Variants in ZBTB4 observed in about 807,000 individuals in gnomAD.
The protein encoded by ZBTB4 is zinc finger and BTB domain-containing protein 4.
Under a neutral mutation model 59.8 loss-of-function variants are expected in ZBTB4, and 14 were observed. That is an observed-to-expected ratio of 0.23 (90% CI 0.15 to 0.37). ZBTB4 has a LOEUF of 0.37. Among genes scored for constraint, ZBTB4 ranks in the 10% least tolerant of loss-of-function variants. The pLI is 1.00. For synonymous variants in ZBTB4, 587 were observed against 575.2 expected, an observed-to-expected ratio of 1.02 and a Z score of -0.29; for missense variants, 1,198 against 1,380.8, an observed-to-expected ratio of 0.87 and a Z score of 2.10.
rs144153574 is a variant in ZBTB4, at chr17:7,477,473, G to A, written c.-81+1983C>T. Among the ~76,000 whole-genome samples the A allele has an allele frequency of 6.8e-4, 103 of 152,230 alleles. 1 individual carries two copies. The highest frequency in any genetic ancestry group is 8.2e-4 in the Non-Finnish European group (56 of 68,006). ...CCACCCCTTCCCAGCCCCCCATGCCGGAGGGCCTGTCCGCAGCACCCTCCC... is the reference window on the plus strand; with the variant it reads ...CCACCCCTTCCCAGCCCCCCATGCCAGAGGGCCTGTCCGCAGCACCCTCCC... On this transcript the variant is annotated intron_variant, in intron 1 of 3. Coordinates refer to ENST00000380599, the MANE Select transcript of ZBTB4 (RefSeq NM_001128833.2).
upstream of ZBTB4, chr17:7,479,772 C>A: frequency 6.6e-6 from 1 of 152,528 alleles, no homozygotes; most frequent in South Asian, 1.8e-4. Flanking sequence ...ACGGCCTTCC[C>A]CAGGACTGAC....
chr17:7,473,110 ATTTTTTTT>A (rs71157291), intron 1 of ZBTB4, among the ~76,000 whole-genome samples: 1 of 64,892 alleles, frequency 1.5e-5, no homozygotes, highest in Admixed American at 2.0e-4. Context: ...GCGCGCCACC[ATTTTTTTT>A]TTTTTTTTTT....
Position 7,463,030 on chromosome 17 carries a change from T to A in ZBTB4, c.1952A>T (p.Asp651Val). The stretch of plus-strand genomic sequence containing the variant: ...CCCACCAGCCTTTGATTCCTCCTCA[T>A]CCTCCTCCTCCTCCTCTTCGTCCTC... ...EEEDEEEEEEDEEESKAGGED... is the reference protein window; with the variant it reads ...EEEDEEEEEEVEEESKAGGED... The change falls in exon 4 of 4, where the codon GAT becomes GTT. Residue 651 changes from aspartate (D) to valine (V), a missense_variant. Transcript: ENST00000380599. The A allele has an allele frequency of 6.3e-7, 1 of 1,591,834 alleles. No homozygotes were observed. The highest frequency in any genetic ancestry group is 8.6e-7 in the Non-Finnish European group (1 of 1,167,130).
chr17:7,466,268 C>T lies in ZBTB4; in HGVS notation c.534G>A (p.Leu178=), dbSNP rs776260128. 6.8e-5 allele frequency: 109 copies of T among 1,613,204 alleles called. No individual in the cohort carries two copies. Among genetic ancestry groups the T allele is most frequent in the Non-Finnish European group, 8.4e-5 (99 of 1,179,554 alleles). The change falls in exon 3 of 4, where the codon CTG becomes CTA. Residue 178 remains leucine (L), a synonymous_variant. Transcript: ENST00000380599. This position sits in a 1 kb window ranked among gnomAD's most constrained non-coding sequence, Gnocchi z 9.1. The part of the protein sequence containing the change: ...RRLGISRLQG[L]GEGGDAWVPP... ...GTACCCAGGCATCACCTCCCTCCCC[C>T]AGGCCCTGAAGGCGGGAGATGCCCA...
chr17:7,483,202 G>A, upstream of ZBTB4: 1 of 1,015,836 alleles, frequency 9.8e-7, no homozygotes, highest in Non-Finnish European at 1.4e-6. Context: ...GGGATGTGGA[G>A]ACCAGGCTGG....
chr17:7,470,657 T>C (rs757793477), intron 1 of ZBTB4, among the ~76,000 whole-genome samples: 6 of 152,060 alleles, frequency 3.9e-5, no homozygotes, highest in Non-Finnish European at 7.4e-5. Context: ...GATTGCACCA[T>C]TGCACTCCAG....
chr17:7,462,232 A>T lies in ZBTB4; in HGVS notation c.2750T>A (p.Phe917Tyr). The T allele has an allele frequency of 6.2e-7, 1 of 1,613,768 alleles. No homozygotes were observed. Among genetic ancestry groups the T allele is most frequent in the Non-Finnish European group, 8.5e-7 (1 of 1,179,854 alleles). Residue 917 changes from phenylalanine (F) to tyrosine (Y), a missense_variant, in exon 4 of 4, where the codon TTC becomes TAC. Around this residue, in one of 9 missense-constraint regions of ZBTB4, gnomAD observed 211 missense variants for 236.1 expected, o/e 0.89. Transcript: ENST00000380599. This position sits in a 1 kb window ranked among gnomAD's most constrained non-coding sequence, Gnocchi z 7.5. ...MEGIGAAKVT[F>Y]YPEPYPLVYG... is the part of the protein sequence containing the mutation. ...GACGAGCGGGTAGGGCTCAGGGTAG[A>T]AAGTGACTTTGGCAGCCCCTATCCC...
upstream of ZBTB4, chr17:7,481,567 G>A (rs1225048669): frequency 6.4e-6 from 9 of 1,401,714 alleles, no homozygotes; most frequent in Non-Finnish European, 8.6e-6. Context: ...ATAGCTCCTG[G>A]TTGCTCCATT....
Position 7,466,884 on chromosome 17 carries a change from G to A in ZBTB4, c.-9-74C>T, listed in dbSNP as rs2070136201. 6.9e-7 allele frequency: 1 copy of A among 1,441,512 alleles called. No homozygotes were observed. Among genetic ancestry groups the A allele is most frequent in the East Asian group, 2.5e-5 (1 of 40,116 alleles). 89.3% of individuals were successfully genotyped at this position (1,441,512 alleles called of 1,614,324 possible). ...GGGCAGGGGCTTCTAAAATCAGGCA[G>A]AGAGAGGATCAGGAGCTGCTGGTCA... is the stretch of plus-strand genomic sequence containing the variant. On this transcript the variant is annotated intron_variant, in intron 2 of 3. Coordinates refer to ENST00000380599, the MANE Select transcript of ZBTB4 (RefSeq NM_001128833.2). The surrounding 1 kb of genome is among the most constrained non-coding windows in gnomAD (Gnocchi z 9.1).
upstream of ZBTB4, chr17:7,482,781 CCTT>C (rs1204931599): frequency 6.2e-7 from 1 of 1,611,926 alleles, no homozygotes; most frequent in African/African-American, 1.3e-5. Context: ...GCCTTGGTCT[CCTT>C]CACATGTGTG....
chr17:7,463,331 C>CGG lies in ZBTB4; in HGVS notation c.1650_1651insCC (p.Ala551ProfsTer19). The CGG allele has an allele frequency of 6.2e-7, 1 of 1,607,882 alleles. No homozygotes were observed. The highest frequency in any genetic ancestry group is 8.5e-7 in the Non-Finnish European group (1 of 1,177,440). On this transcript the variant is annotated frameshift_variant, in exon 4 of 4. Coordinates refer to ENST00000380599, the MANE Select transcript of ZBTB4 (RefSeq NM_001128833.2). LOFTEE classifies it high-confidence loss of function. ...CCCTTGGCCTCCTCCGTGGTGGTGG[C>CGG]CATGGCTGGCCCTGCAGCGGTGGCT...
rs780295998 is a variant in ZBTB4, at chr17:7,466,527, G to A, written c.275C>T (p.Ser92Leu). Reference protein sequence around the residue: ...TAASSSSSSSSSSSSSSSSAS... With the variant: ...TAASSSSSSSLSSSSSSSSAS... Reference sequence around the variant, plus strand: ...AGAGGAGGAAGAAGAGGAAGAAGACGAGGAAGAGGAGGAGGAGGAAGAGGC... The same window carrying A: ...AGAGGAGGAAGAAGAGGAAGAAGACAAGGAAGAGGAGGAGGAGGAAGAGGC... The change falls in exon 3 of 4, where the codon TCG becomes TTG. Residue 92 changes from serine (S) to leucine (L), a missense_variant. Ser to Leu is a moderately radical substitution (Grantham distance 145, BLOSUM62 -2). This residue lies in a region of ZBTB4 where 83 missense variants were observed against 76.5 expected (regional missense o/e 1.09). Transcript: ENST00000380599. This position sits in a 1 kb window ranked among gnomAD's most constrained non-coding sequence, Gnocchi z 9.1. 13 of 1,611,428 alleles carry A rather than the reference G, an allele frequency of 8.1e-6. No homozygotes were observed. In the East Asian group the frequency reaches 1.8e-4, roughly 22 times the overall value.
upstream of ZBTB4, chr17:7,481,389 G>C: frequency 7.8e-7 from 1 of 1,284,592 alleles, no homozygotes; most frequent in East Asian, 3.1e-5. Context: ...CGGGAAAATA[G>C]GCGTGCTACC....
rs1439558529 is a variant in ZBTB4 at position 7,467,248 on chromosome 17, C to T, written c.-10+9G>A. 2.0e-6 allele frequency: 2 copies of T among 995,618 alleles called. No individual in the cohort carries two copies. Among genetic ancestry groups the T allele is most frequent in the African/African-American group, 1.7e-5 (1 of 57,572 alleles). 61.7% of individuals were successfully genotyped at this position (995,618 alleles called of 1,614,324 possible). On this transcript the variant is annotated intron_variant, in intron 2 of 3. Transcript: ENST00000380599. Reference sequence around the variant, plus strand: ...TGTCCTCACTGTAGGCCTCTGGGTACCTTCTCACCTGAGAGCACAGCCAAC... The same window carrying T: ...TGTCCTCACTGTAGGCCTCTGGGTATCTTCTCACCTGAGAGCACAGCCAAC...
Position 7,461,961 on chromosome 17 carries a change from G to A in ZBTB4, c.3021C>T (p.Thr1007=), listed in dbSNP as rs1333304278. Residue 1007 remains threonine, a synonymous_variant, in exon 4 of 4, where the codon ACC becomes ACT. Transcript: ENST00000380599. ...GEGERAGVER[T]QKGDVG is the part of the protein sequence containing the mutation. ...GGGTTCACCCCACATCGCCCTTCTGGGTTCTCTCAACCCCTGCCCTTTCCC... is the reference window on the plus strand; with the variant it reads ...GGGTTCACCCCACATCGCCCTTCTGAGTTCTCTCAACCCCTGCCCTTTCCC... 3 of 1,562,294 alleles carry A rather than the reference G, an allele frequency of 1.9e-6. No individual in the cohort carries two copies. Among genetic ancestry groups the A allele is most frequent in the South Asian group, 2.4e-5 (2 of 83,140 alleles).
rs1182572598 is a variant in ZBTB4 at position 7,459,729 on chromosome 17, C to T, written c.*2211G>A. 1 of 152,434 alleles carries T rather than the reference C, an allele frequency of 6.6e-6. No homozygotes were observed. Among genetic ancestry groups the T allele is most frequent in the African/African-American group, 2.4e-5 (1 of 41,366 alleles). The allele number at this position is 152,434 out of a possible 1,614,324, so 9.4% of individuals were successfully genotyped here. On this transcript the variant is annotated 3_prime_UTR_variant, in exon 4 of 4. Transcript: ENST00000380599. ...CGTCGCCACAATCTCATTTGTTGCC[C>T]AGAACCACCACATTCTGGAAGCTAT...
rs969404554 is a variant in ZBTB4 at position 7,466,864 on chromosome 17, G to C, written c.-9-54C>G. On this transcript the variant is annotated intron_variant, in intron 2 of 3. Coordinates refer to ENST00000380599, the MANE Select transcript of ZBTB4 (RefSeq NM_001128833.2). This position sits in a 1 kb window ranked among gnomAD's most constrained non-coding sequence, Gnocchi z 9.1. ...AGTCTCAGAGGCTGGGCAGAGGGCA[G>C]GGGCTTCTAAAATCAGGCAGAGAGA... The C allele has an allele frequency of 1.8e-5, 26 of 1,450,574 alleles. No homozygotes were observed. In the East Asian group the frequency reaches 2.0e-4, roughly 11 times the overall value. The allele number at this position is 1,450,574 out of a possible 1,614,324, so 89.9% of individuals were successfully genotyped here. A position where few individuals can be genotyped will look rare whatever the true frequency, so the allele number is the denominator to read the frequency against.
rs1567684041 is a variant in ZBTB4 at position 7,462,976 on chromosome 17, G to A, written c.2006C>T (p.Ser669Phe). The change falls in exon 4 of 4, where the codon TCC (serine) becomes TTC (phenylalanine). Residue 669 changes from serine to phenylalanine, a missense_variant. By Grantham distance (155) the Ser-to-Phe change is radical. This residue lies in a region of ZBTB4 where 550 missense variants were observed against 541.8 expected (regional missense o/e 1.02). Transcript: ENST00000380599. This position sits in a 1 kb window ranked among gnomAD's most constrained non-coding sequence, Gnocchi z 7.5. ...GEDQLWRPYY[S>F]YKPKRKAGAA... is the part of the protein sequence containing the mutation. ...TCCAGCCTTGCGCTTAGGCTTGTAG[G>A]AGTAGTAGGGCCTCCAGAGCTGGTC... 1.9e-6 allele frequency: 3 copies of A among 1,608,726 alleles called. No individual in the cohort carries two copies. The highest frequency in any genetic ancestry group is 1.7e-5 in the Admixed American group (1 of 59,768).
chr17:7,462,728 A>C lies in ZBTB4; in HGVS notation c.2254T>G (p.Ser752Ala), dbSNP rs560043534. The C allele has an allele frequency of 6.2e-7, 1 of 1,603,630 alleles. No individual in the cohort carries two copies. The highest frequency in any genetic ancestry group is 2.2e-5 in the East Asian group (1 of 44,858). ...CTCCGTCCGGCCCGGGAGCTGTGGG[A>C]GCCCCCACCGTGGGCCTCTTGGTGC... ...RKHQEAHGGGSHSSRAGRRPS... is the reference protein window; with the variant it reads ...RKHQEAHGGGAHSSRAGRRPS... The change falls in exon 4 of 4, where the codon TCC (serine) becomes GCC (alanine). Residue 752 changes from serine (S) to alanine (A), a missense_variant. Ser to Ala is a moderately conservative substitution (Grantham distance 99). Transcript: ENST00000380599. The surrounding 1 kb of genome is among the most constrained non-coding windows in gnomAD (Gnocchi z 7.5).
Sources: allele counts gnomAD v4.1 joint callset (sites outside exome capture counted in the v4.1 genomes callset), GRCh38; gene constraint gnomAD v4.1.1; regional missense constraint gnomAD v4.1.1; non-coding constraint Gnocchi (gnomAD v3.1); transcripts MANE v1.5; gene names NCBI Gene and HGNC (gene_info 2026-07-23, HGNC 2026-07-21).